LAMA4: variants seen among roughly 807,000 people sequenced by gnomAD.
LAMA4 encodes laminin subunit alpha-4.
Under a neutral mutation model 207.1 loss-of-function variants are expected in LAMA4, and 127 were observed. That is an observed-to-expected ratio of 0.61 (90% confidence interval 0.53 to 0.71). LAMA4 has a LOEUF of 0.71. LAMA4 is among the 30% of genes least tolerant of loss of function. LAMA4 has a pLI of 0.00. For missense variants in LAMA4, 2,093 were observed against 2,246.5 expected (o/e 0.93, Z 1.38); for synonymous variants, 761 against 816.0 (o/e 0.93, Z 1.15).
chr6:112,227,836 A>G (rs1554363016), intron 2 of LAMA4, among the ~76,000 whole-genome samples: 1 of 152,154 alleles, frequency 6.6e-6, no homozygotes, highest in African/African-American at 2.4e-5. Flanking sequence ...GATTTCCACT[A>G]ATTATTTTAT....
intron 8 of LAMA4, chr6:112,186,975 ATG>A (rs1782722670): frequency 2.3e-6 from 1 of 442,856 alleles, no homozygotes; most frequent in African/African-American, 2.0e-5. Context: ...ATGAGAGAGA[ATG>A]TGTGTAAATA....
At chr6:112,177,117 T>C (rs1554344030) in intron 10 of LAMA4, among the ~76,000 whole-genome samples, 1 of 152,200 alleles carries the variant, frequency 6.6e-6, no homozygotes, top group Non-Finnish European at 1.5e-5. Flanking sequence ...TAAAATGCTA[T>C]AGAAAAAGAA....
chr6:112,219,600 A>G (rs2115074427), intron 2 of LAMA4: 1 of 152,330 alleles, frequency 6.6e-6, no homozygotes, highest in African/African-American at 2.4e-5. Flanking sequence ...ATTATAATAT[A>G]GTGGCCAGCA....
chr6:112,113,105 G>C (rs1777802733), intron 38 of LAMA4, among the ~76,000 whole-genome samples: 1 of 152,134 alleles, frequency 6.6e-6, no homozygotes, highest in African/African-American at 2.4e-5. Context: ...GAATTTCATA[G>C]TACAATAGGG....
At chr6:112,244,175 A>T (rs1005451621) in intron 2 of LAMA4, among the ~76,000 whole-genome samples, 1 of 152,116 alleles carries the variant, frequency 6.6e-6, no homozygotes, top group South Asian at 2.1e-4. Context: ...GGTCACAAAG[A>T]CCCCGCAGTA....
intron 25 of LAMA4, 107 bp from the exon 26 acceptor site, chr6:112,134,716 C>T (rs1232772088): frequency 1.1e-6 from 1 of 908,752 alleles, no homozygotes; most frequent in East Asian, 2.5e-5. Flanking sequence ...TTCTTCCATG[C>T]CTTTGTGCTT....
At chr6:112,120,828 C>T (rs1778311034) in intron 32 of LAMA4, among the ~76,000 whole-genome samples, 1 of 151,878 alleles carries the variant, frequency 6.6e-6, no homozygotes, top group Admixed American at 6.6e-5. Context: ...CCTGGGAGTT[C>T]AAGACCAGCA....
intron 19 of LAMA4, among the ~76,000 whole-genome samples, chr6:112,144,447 G>A (rs769230654): frequency 1.3e-5 from 2 of 152,182 alleles, no homozygotes; most frequent in African/African-American, 4.8e-5. Context: ...ACGAATTGAG[G>A]CTTTTATTGA....
chr6:112,135,489 A>T (rs1779285743), intron 25 of LAMA4, among the ~76,000 whole-genome samples: 1 of 152,224 alleles, frequency 6.6e-6, no homozygotes, highest in African/African-American at 2.4e-5. Flanking sequence ...GAAAAGGGAA[A>T]TACAGTCTCC....
chr6:112,171,330 G>A (rs1395467092), intron 12 of LAMA4, among the ~76,000 whole-genome samples: 2 of 151,982 alleles, frequency 1.3e-5, no homozygotes, highest in South Asian at 2.1e-4. Flanking sequence ...GGAGAAATGA[G>A]AGGATTGATA....
chr6:112,115,195 T>A (rs1554323180), intron 36 of LAMA4, among the ~76,000 whole-genome samples: 1 of 152,164 alleles, frequency 6.6e-6, no homozygotes, highest in East Asian at 1.9e-4. Flanking sequence ...TTAAATGAGT[T>A]AATCTAGGTA....
chr6:112,170,037 G>A (rs1781621706), intron 12 of LAMA4, among the ~76,000 whole-genome samples: 1 of 152,206 alleles, frequency 6.6e-6, no homozygotes, highest in South Asian at 2.1e-4. Flanking sequence ...AGGACTTTTG[G>A]AGGTAAGATC....
chr6:112,247,216 G>T (rs1554188835), intron 2 of LAMA4, among the ~76,000 whole-genome samples: 2 of 152,258 alleles, frequency 1.3e-5, no homozygotes, highest in Admixed American at 6.5e-5. Context: ...TGCAAGGCAG[G>T]TGTATTTCTA....
At chr6:112,170,946 A>ATATT (rs765270180) in intron 12 of LAMA4, among the ~76,000 whole-genome samples, 10 of 152,192 alleles carry the variant, frequency 6.6e-5, no homozygotes, top group Non-Finnish European at 1.0e-4. Flanking sequence ...TGGTTGTGTG[A>ATATT]TATTGCCTGA....
At position 112,119,246 on chromosome 6, in the gene LAMA4, T is replaced by G; in HGVS notation, c.4731A>C (p.Glu1577Asp). 1 of 1,614,008 alleles carries G rather than the reference T, an allele frequency of 6.2e-7. No homozygotes were observed. The highest frequency in any genetic ancestry group is 8.5e-7 in the Non-Finnish European group (1 of 1,179,896). ...AGGTAGCTTCAGTAGGAGGAAGACTTTCTTCTAGGACTCGGAGACCATCAA... is the reference window on the plus strand; with the variant it reads ...AGGTAGCTTCAGTAGGAGGAAGACTGTCTTCTAGGACTCGGAGACCATCAA... ...LVIDGLRVLE[E>D]SLPPTEATWK... is the part of the protein sequence containing the mutation. The change falls in exon 34 of 39, where the codon GAA becomes GAC. Residue 1577 changes from glutamate (E) to aspartate (D), a missense_variant. Glu to Asp is a conservative substitution (Grantham distance 45). Coordinates refer to ENST00000230538, the MANE Select transcript of LAMA4 (RefSeq NM_001105206.3).
chr6:112,224,228 C>T (rs1785077292), intron 2 of LAMA4, among the ~76,000 whole-genome samples: 1 of 152,152 alleles, frequency 6.6e-6, no homozygotes, highest in Admixed American at 6.5e-5. Context: ...TATCCTCCCT[C>T]CCCTTTATTA....
At chr6:112,184,976 C>T (rs536409546) in intron 9 of LAMA4, among the ~76,000 whole-genome samples, 2 of 152,136 alleles carry the variant, frequency 1.3e-5, no homozygotes, top group African/African-American at 2.4e-5. Flanking sequence ...ACAAATCAAC[C>T]GTATCAACCC....
At chr6:112,223,298 G>A (rs782031397) in intron 2 of LAMA4, among the ~76,000 whole-genome samples, 4 of 152,178 alleles carry the variant, frequency 2.6e-5, no homozygotes, top group African/African-American at 4.8e-5. Flanking sequence ...CAATAAGAAT[G>A]AGTAGAGAGA....
chr6:112,158,405 A>G (rs1780848545), intron 14 of LAMA4: 1 of 351,704 alleles, frequency 2.8e-6, no homozygotes, highest in Non-Finnish European at 5.4e-6. Context: ...GTCTTTGGTC[A>G]TCCTACTAAA....
Sources: gnomAD v4.1 joint callset for allele counts (sites outside exome capture counted in the v4.1 genomes callset) on GRCh38, gnomAD v4.1.1 for gene constraint, MANE v1.5 for transcripts, NCBI Gene and HGNC (gene_info 2026-07-23, HGNC 2026-07-21) for gene names.